Variants in PTPRK observed in about 807,000 individuals in gnomAD.
PTPRK encodes the protein protein tyrosine phosphatase receptor type K, also known as receptor-type tyrosine-protein phosphatase kappa.
A neutral mutation model predicts 178.0 loss-of-function variants in PTPRK; 75 were observed. The observed-to-expected ratio is 0.42, with a 90% CI of 0.35 to 0.51. The LOEUF (loss-of-function observed/expected upper bound fraction) is 0.51. Ranked by LOEUF, PTPRK falls within the 20% of genes least tolerant of loss-of-function variation. The pLI is 0.02. For synonymous variants in PTPRK, 637 were observed against 620.6 expected, an observed-to-expected ratio of 1.03 and a Z score of -0.39; for missense variants, 1,441 against 1,797.8, an observed-to-expected ratio of 0.80 and a Z score of 3.59.
intron 2 of PTPRK, among the ~76,000 whole-genome samples, chr6:128,374,861 A>G (rs1333194080): frequency 1.6e-4 from 25 of 152,144 alleles, no homozygotes. Context: ...TTTATCTCCT[A>G]TAACAATGCC....
intron 6 of PTPRK, among the ~76,000 whole-genome samples, chr6:128,199,119 C>A (rs140081261): frequency 6.6e-6 from 1 of 152,100 alleles, no homozygotes; most frequent in African/African-American, 2.4e-5. Flanking sequence ...CTTTCAGGTA[C>A]GTGCTACCCC....
chr6:128,244,965 A>G (rs1011853415), intron 3 of PTPRK, among the ~76,000 whole-genome samples: 4 of 152,188 alleles, frequency 2.6e-5, no homozygotes, highest in African/African-American at 9.6e-5. Context: ...AAACTCTGCC[A>G]GGACATTTTT....
At chr6:128,361,516 C>T (rs1210214536) in intron 2 of PTPRK, among the ~76,000 whole-genome samples, 2 of 152,098 alleles carry the variant, frequency 1.3e-5, no homozygotes, top group Non-Finnish European at 2.9e-5. Flanking sequence ...AAGAATGTCA[C>T]TGTAGTTGTG....
At chr6:128,422,401 G>T (rs112267319) in intron 1 of PTPRK, among the ~76,000 whole-genome samples, 8 of 152,276 alleles carry the variant, frequency 5.3e-5, no homozygotes, top group African/African-American at 1.9e-4. Context: ...AGGTAAGTGA[G>T]ATGAAGATAT....
intron 1 of PTPRK, among the ~76,000 whole-genome samples, chr6:128,435,308 A>C (rs1018801707): frequency 1.3e-5 from 2 of 152,212 alleles, no homozygotes; most frequent in African/African-American, 4.8e-5. Flanking sequence ...TAATTTTCAA[A>C]ATCTTAGTTT....
intron 7 of PTPRK, among the ~76,000 whole-genome samples, chr6:128,099,406 C>T (rs1788432531): frequency 6.6e-6 from 1 of 151,816 alleles, no homozygotes; most frequent in African/African-American, 2.4e-5. Context: ...TGACATGGAG[C>T]TCTTCTCCCC....
In PTPRK at chr6:128,289,845, G is replaced by C. The variant is rs531274728; in HGVS notation, c.495+32194C>G. ...AATTCAAGGACAATTTCAAGGATGT[G>C]TCAAACAATATTATTAATTTAACAC... On this transcript the variant is annotated intron_variant, in intron 3 of 29. Coordinates refer to ENST00000368226, the MANE Select transcript of PTPRK (RefSeq NM_002844.4). Among the ~76,000 whole-genome samples, 6 of 152,190 alleles carry C rather than the reference G, an allele frequency of 3.9e-5. No individual in the cohort carries two copies. In the South Asian group the frequency reaches 1.2e-3, roughly 32 times the overall value.
intron 1 of PTPRK, among the ~76,000 whole-genome samples, chr6:128,516,448 A>C (rs545114869): frequency 6.6e-6 from 1 of 152,312 alleles, no homozygotes; most frequent in African/African-American, 2.4e-5. Context: ...TAGTGATTAG[A>C]ACGTGGAGTT....
intron 2 of PTPRK, among the ~76,000 whole-genome samples, chr6:128,367,586 C>T (rs1403075539): frequency 6.6e-6 from 1 of 152,146 alleles, no homozygotes; most frequent in Non-Finnish European, 1.5e-5. Flanking sequence ...GCTTTCTTAG[C>T]TTCCAAAAGA....
intron 21 of PTPRK, among the ~76,000 whole-genome samples, chr6:127,990,289 AG>A (rs1776457022): frequency 6.6e-6 from 1 of 152,090 alleles, no homozygotes; most frequent in African/African-American, 2.4e-5. Context: ...ACATGCCTCT[AG>A]GCTTCTGAAA....
intron 1 of PTPRK, among the ~76,000 whole-genome samples, chr6:128,453,834 C>T (rs181237904): frequency 9.2e-5 from 14 of 152,222 alleles, no homozygotes; most frequent in African/African-American, 3.1e-4. Flanking sequence ...ATGCAGGGCA[C>T]CAACTTAGTA....
chr6:128,084,172 G>T (rs1285349535), intron 8 of PTPRK, among the ~76,000 whole-genome samples: 1 of 152,022 alleles, frequency 6.6e-6, no homozygotes, highest in Non-Finnish European at 1.5e-5. Context: ...TTTGTTTCAA[G>T]AACAGAGCTG....
At chr6:128,148,767 T>C (rs1796850927) in intron 7 of PTPRK, among the ~76,000 whole-genome samples, 1 of 152,116 alleles carries the variant, frequency 6.6e-6, no homozygotes. Context: ...ATTTTAGAGT[T>C]ATCAAAATAC....
chr6:128,234,722 C>G (rs889314780), intron 5 of PTPRK, among the ~76,000 whole-genome samples: 1 of 152,160 alleles, frequency 6.6e-6, no homozygotes, highest in Non-Finnish European at 1.5e-5. Context: ...ATCTATTATC[C>G]TGTTCATGGA....
chr6:128,093,614 A>AC (rs1387952543), intron 7 of PTPRK, among the ~76,000 whole-genome samples: 3 of 148,806 alleles, frequency 2.0e-5, no homozygotes, highest in Non-Finnish European at 4.5e-5. Context: ...AAAAAAAAAA[A>AC]AAAAAAAAAC....
Position 128,262,203 on chromosome 6 carries a change from C to T in PTPRK, c.496-19601G>A, listed in dbSNP as rs192743759. 2.0e-5 allele frequency among the ~76,000 whole-genome samples: 3 copies of T among 152,262 alleles called. No homozygotes were observed. The East Asian group carries it at 5.8e-4, about 29-fold the overall frequency. On this transcript the variant is annotated intron_variant, in intron 3 of 29. Coordinates refer to ENST00000368226, the MANE Select transcript of PTPRK (RefSeq NM_002844.4). ...AAACTGCAACTCAAAACTGTTGATA[C>T]ACCAATTTTATGTAGTTTCCAACCT...
chr6:128,142,498 C>T (rs886459448), intron 7 of PTPRK, among the ~76,000 whole-genome samples: 13 of 149,514 alleles, frequency 8.7e-5, no homozygotes, highest in African/African-American at 3.2e-4. Context: ...AACAAATTCT[C>T]CCATGTGTGT....
At chr6:128,130,347 G>A (rs1156321198) in intron 7 of PTPRK, among the ~76,000 whole-genome samples, 5 of 152,078 alleles carry the variant, frequency 3.3e-5, no homozygotes, top group African/African-American at 7.2e-5. Context: ...TCAAGAATAC[G>A]AGACATACTT....
intron 7 of PTPRK, among the ~76,000 whole-genome samples, chr6:128,103,547 C>T (rs963012182): frequency 3.9e-5 from 6 of 152,144 alleles, no homozygotes; most frequent in Non-Finnish European, 8.8e-5. Flanking sequence ...GCATGTTCCC[C>T]CTCCTGTAAG....
Sources: gnomAD v4.1 joint callset for allele counts (sites outside exome capture counted in the v4.1 genomes callset) on GRCh38, gnomAD v4.1.1 for gene constraint, MANE v1.5 for transcripts, NCBI Gene and HGNC (gene_info 2026-07-23, HGNC 2026-07-21) for gene names.